ZNF532: variants seen among roughly 807,000 people sequenced by gnomAD.
ZNF532 encodes zinc finger protein 532.
A neutral mutation model predicts 89.3 loss-of-function variants in ZNF532; 22 were observed. The ratio of observed to expected loss-of-function variants is 0.25; its 90% CI spans 0.18 to 0.35. The LOEUF (loss-of-function observed/expected upper bound fraction) is 0.35. Ranked by LOEUF, ZNF532 falls within the 10% of genes least tolerant of loss-of-function variation. The pLI, the probability that ZNF532 is intolerant of heterozygous loss-of-function variation, is 1.00. For synonymous variants in ZNF532, 606 were observed against 649.6 expected (o/e 0.93, Z 1.02); for missense variants, 1,132 against 1,643.4 (o/e 0.69, Z 5.38).
At chr18:58,876,975 A>G (rs1182110123) in intron 2 of ZNF532, among the ~76,000 whole-genome samples, 2 of 152,142 alleles carry the variant, frequency 1.3e-5, no homozygotes, top group Admixed American at 6.5e-5. Context: ...CAAGAGGATC[A>G]CTTGAGCCCA....
chr18:58,864,453 G>A (rs1236988204), upstream of ZNF532: 1 of 152,138 alleles, frequency 6.6e-6, no homozygotes, highest in Non-Finnish European at 1.5e-5. Flanking sequence ...CTTTCTTGGG[G>A]GCTCTTTGTC....
Position 58,984,418 on chromosome 18 carries a change from C to T in ZNF532, c.3858C>T (p.His1286=), listed in dbSNP as rs1006901626. 24 of 1,611,552 alleles carry T rather than the reference C, an allele frequency of 1.5e-5. No homozygotes were observed. Among genetic ancestry groups the T allele is most frequent in the Middle Eastern group, 2.2e-4 (1 of 4,452 alleles). The change falls in exon 10 of 10, where the codon CAC becomes CAT. Residue 1286 remains histidine, a synonymous_variant. Coordinates refer to ENST00000591808, the MANE Select transcript of ZNF532 (RefSeq NM_001375912.1). The part of the protein sequence containing the change: ...EAALNTHMRT[H]GMAFIKSKRM... ...CCTTAAATACTCACATGCGGACACA[C>T]GGCATGGCCTTCATCAAATCCAAAA... is the stretch of plus-strand genomic sequence containing the variant.
intron 5 of ZNF532, among the ~76,000 whole-genome samples, chr18:58,942,534 G>T (rs2063282484): frequency 6.6e-6 from 1 of 152,038 alleles, no homozygotes; most frequent in Non-Finnish European, 1.5e-5. Flanking sequence ...TCAGTGTGAG[G>T]GCTGGTCTGG....
At chr18:58,878,464 C>T (rs1006108366) in intron 2 of ZNF532, among the ~76,000 whole-genome samples, 2 of 152,142 alleles carry the variant, frequency 1.3e-5, no homozygotes, top group African/African-American at 2.4e-5. Flanking sequence ...ATAGGAGAGG[C>T]CCCCCTGAAG....
intron 5 of ZNF532, 105 bp downstream of exon 5, chr18:58,939,726 T>C: frequency 9.7e-7 from 1 of 1,030,166 alleles, no homozygotes; most frequent in East Asian, 2.5e-5. Flanking sequence ...TCTGAAAAAT[T>C]ATGCAGCTAT....
At chr18:58,925,860 A>G (rs2061480243) in intron 3 of ZNF532, among the ~76,000 whole-genome samples, 1 of 152,156 alleles carries the variant, frequency 6.6e-6, no homozygotes, top group Admixed American at 6.5e-5. Flanking sequence ...TCATCCTCCA[A>G]TGAACTGCTT....
chr18:58,974,358 C>T (rs879706250), intron 7 of ZNF532, among the ~76,000 whole-genome samples: 3 of 152,070 alleles, frequency 2.0e-5, no homozygotes, highest in Non-Finnish European at 2.9e-5. Context: ...TGGTTCTTTT[C>T]GTATCAGTGC....
intron 7 of ZNF532, among the ~76,000 whole-genome samples, chr18:58,975,439 CACAGAA>C (rs1300869535): frequency 6.6e-6 from 1 of 152,162 alleles, no homozygotes; most frequent in Non-Finnish European, 1.5e-5. Flanking sequence ...GACCCGTAAG[CACAGAA>C]ACAGAAAGGA....
chr18:58,895,238 A>C (rs1236993218), intron 2 of ZNF532, among the ~76,000 whole-genome samples: 1 of 152,206 alleles, frequency 6.6e-6, no homozygotes, highest in East Asian at 1.9e-4. Context: ...AGATGCTTGC[A>C]GCCTCTGTCT....
intron 2 of ZNF532, among the ~76,000 whole-genome samples, chr18:58,910,294 TA>T (rs2060200487): frequency 6.6e-6 from 1 of 152,232 alleles, no homozygotes; most frequent in Admixed American, 6.5e-5. Context: ...TGTACAGTCA[TA>T]ATTTTGTTTT....
intron 6 of ZNF532, 52 bp from the exon 7 acceptor site, chr18:58,953,462 GCTTT>G: frequency 6.7e-7 from 1 of 1,489,944 alleles, no homozygotes; most frequent in Non-Finnish European, 9.1e-7. Flanking sequence ...GCATACTTGT[GCTTT>G]CTTTTAGTGT....
chr18:58,914,640 G>T (rs932028257), intron 2 of ZNF532, among the ~76,000 whole-genome samples: 5 of 152,168 alleles, frequency 3.3e-5, no homozygotes, highest in African/African-American at 1.2e-4. Flanking sequence ...AGATCACACT[G>T]CTGTACTCCA....
rs73437995 is a variant in ZNF532 at position 58,879,056 on chromosome 18, A to T, written c.-18+13477A>T. Among the ~76,000 whole-genome samples the T allele has an allele frequency of 6.2e-4, 94 of 152,332 alleles. No homozygotes were observed. In the Middle Eastern group the frequency reaches 0.014, roughly 22 times the overall value. ...CAAAAATCTCACTGGGCCTGGTCTA[A>T]TCAGCTGTGGAGGGCAGGTTGTTCT... On this transcript the variant is annotated intron_variant, in intron 2 of 9. Coordinates refer to ENST00000591808, the MANE Select transcript of ZNF532 (RefSeq NM_001375912.1).
intron 6 of ZNF532, among the ~76,000 whole-genome samples, chr18:58,949,783 C>T (rs556963073): frequency 2.0e-5 from 3 of 152,328 alleles, no homozygotes; most frequent in African/African-American, 7.2e-5. Flanking sequence ...GAATCCTTGA[C>T]ATTTCCTGTA....
intron 2 of ZNF532, among the ~76,000 whole-genome samples, chr18:58,917,605 A>C (rs1367711565): frequency 2.0e-5 from 3 of 151,980 alleles, no homozygotes; most frequent in Admixed American, 2.0e-4. Context: ...TTTTTCTAAA[A>C]CTCTCCATCC....
At chr18:58,870,339 C>T (rs530709746) in intron 2 of ZNF532, among the ~76,000 whole-genome samples, 38 of 152,166 alleles carry the variant, frequency 2.5e-4, no homozygotes, top group Admixed American at 2.3e-3. Context: ...GTGAATAGGC[C>T]GCCTCATGCC....
chr18:58,930,428 A>G (rs978167757), intron 3 of ZNF532, among the ~76,000 whole-genome samples: 9 of 152,124 alleles, frequency 5.9e-5, no homozygotes, highest in African/African-American at 1.7e-4. Context: ...GGAGTTCGAG[A>G]CCAGCCTGGG....
chr18:58,875,220 A>C (rs2144728446), intron 2 of ZNF532, among the ~76,000 whole-genome samples: 1 of 151,124 alleles, frequency 6.6e-6, no homozygotes, highest in East Asian at 2.0e-4. Flanking sequence ...TGTGTTGCCC[A>C]GGCTGGTCTC....
At chr18:58,895,867 T>C (rs2059214453) in intron 2 of ZNF532, among the ~76,000 whole-genome samples, 1 of 151,894 alleles carries the variant, frequency 6.6e-6, no homozygotes, top group Non-Finnish European at 1.5e-5. Flanking sequence ...CTTTTTTTTT[T>C]TTTGAGATGG....
Sources: allele counts gnomAD v4.1 joint callset (sites outside exome capture counted in the v4.1 genomes callset), GRCh38; gene constraint gnomAD v4.1.1; transcripts MANE v1.5; gene names NCBI Gene and HGNC (gene_info 2026-07-23, HGNC 2026-07-21).